Variants in TANK observed in about 807,000 individuals in gnomAD.
TANK encodes the protein TRAF family member associated NFKB activator, also known as TRAF family member-associated NF-kappa-B activator.
In TANK, 15 loss-of-function variants were observed where a neutral mutation model predicts 43.6. That is an observed-to-expected ratio of 0.34 (90% CI 0.23 to 0.53). The LOEUF is 0.53. Ranked by LOEUF, TANK falls within the 20% of genes least tolerant of loss-of-function variation. The probability of loss-of-function intolerance (pLI) is 0.94; values close to 1 mark genes in which losing one functional copy is unlikely to be tolerated. For missense variants in TANK, 417 were observed against 498.6 expected, an observed-to-expected ratio of 0.84 and a Z score of 1.56; for synonymous variants, 162 against 178.2, an observed-to-expected ratio of 0.91 and a Z score of 0.73.
chr2:161,193,584 T>C (rs1285537431), intron 2 of TANK, among the ~76,000 whole-genome samples: 1 of 152,132 alleles, frequency 6.6e-6, no homozygotes, highest in Non-Finnish European at 1.5e-5. Flanking sequence ...GATAAATAAG[T>C]TCTCTCTTTT....
At chr2:161,159,289 G>A (rs1684307357), upstream of TANK, 2 of 152,218 alleles carry the variant, frequency 1.3e-5, no homozygotes, top group South Asian at 4.1e-4. Context: ...GGTGAGGGAT[G>A]TTGATAATGG....
chr2:161,210,251 C>G (rs1686821046), intron 4 of TANK, among the ~76,000 whole-genome samples: 1 of 152,216 alleles, frequency 6.6e-6, no homozygotes, highest in South Asian at 2.1e-4. Context: ...AATATAGAAG[C>G]TCTGACATAT....
At chr2:161,167,336 C>G (rs947554892) in intron 1 of TANK, among the ~76,000 whole-genome samples, 10 of 152,146 alleles carry the variant, frequency 6.6e-5, no homozygotes, top group African/African-American at 2.2e-4. Flanking sequence ...TGATTTGGCT[C>G]ATACACTGTC....
At chr2:161,206,211 T>C (rs1558995500) in intron 4 of TANK, among the ~76,000 whole-genome samples, 1 of 152,174 alleles carries the variant, frequency 6.6e-6, no homozygotes, top group African/African-American at 2.4e-5. Flanking sequence ...TATATGTATG[T>C]ATATTATATT....
chr2:161,170,566 G>A (rs746674708), intron 1 of TANK, among the ~76,000 whole-genome samples: 7 of 152,178 alleles, frequency 4.6e-5, no homozygotes, highest in Non-Finnish European at 7.4e-5. Context: ...TGCTTTCCAA[G>A]CTATGACTCG....
chr2:161,231,042 G>C lies in TANK; in HGVS notation c.592G>C (p.Ala198Pro). The change falls in exon 7 of 8, where the codon GCT (alanine) becomes CCT (proline). Residue 198 changes from alanine (A) to proline (P), a missense_variant. Ala to Pro is a conservative substitution (Grantham distance 27). Coordinates refer to ENST00000392749, the MANE Select transcript of TANK (RefSeq NM_001199135.3). ...ACAAGAAGCGCTGTTTAAGCCTCAG[G>C]CTAAAGATGATATAAATAGAGGTGC... ...DKQEALFKPQ[A>P]KDDINRGAPS... 6.2e-7 allele frequency: 1 copy of C among 1,614,078 alleles called. No homozygotes were observed. Among genetic ancestry groups the C allele is most frequent in the Non-Finnish European group, 8.5e-7 (1 of 1,180,006 alleles).
chr2:161,180,174 TAAGAAC>T, intron 2 of TANK: 3 of 908,932 alleles, frequency 3.3e-6, no homozygotes, highest in Non-Finnish European at 2.6e-6. Flanking sequence ...TTAAAATATT[TAAGAAC>T]TAAATTTGGT....
chr2:161,213,982 T>C lies in TANK; in HGVS notation c.327+9189T>C, dbSNP rs377300252. Reference sequence around the variant, plus strand: ...TCATGAATCAATCATTTGGAAAATATTGGTTCACTAAGTTATGTAGATCTT... The same window carrying C: ...TCATGAATCAATCATTTGGAAAATACTGGTTCACTAAGTTATGTAGATCTT... On this transcript the variant is annotated intron_variant, in intron 4 of 7. Transcript: ENST00000392749. 1.2e-4 allele frequency among the ~76,000 whole-genome samples: 19 copies of C among 152,310 alleles called. No homozygotes were observed. The South Asian group carries it at 3.7e-3, about 30-fold the overall frequency.
chr2:161,165,846 A>G (rs1340312053), intron 1 of TANK, among the ~76,000 whole-genome samples: 2 of 152,236 alleles, frequency 1.3e-5, no homozygotes, highest in African/African-American at 2.4e-5. Context: ...AGCACAGCCA[A>G]CTGAGCAGTG....
chr2:161,179,824 G>A, intron 2 of TANK, 63 bp downstream of exon 2: 1 of 1,535,580 alleles, frequency 6.5e-7, no homozygotes, highest in Non-Finnish European at 8.8e-7. Context: ...AGAGCCTTTT[G>A]CATCTGAAAA....
chr2:161,220,590 C>T (rs974076553), intron 4 of TANK, among the ~76,000 whole-genome samples: 8 of 151,814 alleles, frequency 5.3e-5, no homozygotes, highest in African/African-American at 9.7e-5. Flanking sequence ...ACAACAAAAG[C>T]GAGACTCTGT....
chr2:161,232,995 GT>G (rs1449185693), intron 7 of TANK: 2 of 879,488 alleles, frequency 2.3e-6, no homozygotes, highest in South Asian at 2.2e-5. Flanking sequence ...CTTAAAATGA[GT>G]TTTTTAAAAA....
chr2:161,180,849 T>G (rs1227737571), intron 2 of TANK, among the ~76,000 whole-genome samples: 1 of 151,878 alleles, frequency 6.6e-6, no homozygotes, highest in East Asian at 1.9e-4. Flanking sequence ...AACTTTAAAA[T>G]TCAGTAACGT....
chr2:161,165,980 T>G (rs1261970843), intron 1 of TANK, among the ~76,000 whole-genome samples: 1 of 152,210 alleles, frequency 6.6e-6, no homozygotes, highest in Non-Finnish European at 1.5e-5. Flanking sequence ...GAAAGAAGTA[T>G]TACTGGAGAA....
At chr2:161,204,622 G>A in intron 3 of TANK, 53 bp from the exon 4 acceptor site, 1 of 1,538,572 alleles carries the variant, frequency 6.5e-7, no homozygotes, top group South Asian at 1.2e-5. Context: ...TTTTTCAGGT[G>A]GTACCAAAAA....
chr2:161,195,896 C>A (rs1016696176), intron 2 of TANK, among the ~76,000 whole-genome samples: 1 of 152,042 alleles, frequency 6.6e-6, no homozygotes, highest in Non-Finnish European at 1.5e-5. Context: ...ACCAGCCTGG[C>A]CAACATGGTG....
At chr2:161,190,756 TAAAG>T (rs1685878463) in intron 2 of TANK, among the ~76,000 whole-genome samples, 1 of 152,016 alleles carries the variant, frequency 6.6e-6, no homozygotes, top group African/African-American at 2.4e-5. Flanking sequence ...GTCAAATTGA[TAAAG>T]ACAGAAAGTA....
chr2:161,153,202 T>C (rs1558960928), intron 1 of TANK, among the ~76,000 whole-genome samples: 1 of 152,042 alleles, frequency 6.6e-6, no homozygotes, highest in South Asian at 2.1e-4. Context: ...TATCATGTTT[T>C]TATATTCTCC....
chr2:161,169,616 C>G (rs1035133325), intron 1 of TANK, among the ~76,000 whole-genome samples: 3 of 151,960 alleles, frequency 2.0e-5, no homozygotes, highest in East Asian at 1.9e-4. Flanking sequence ...AAATTTGTTG[C>G]GAAGGTGAAG....
Sources: gnomAD v4.1 joint callset for allele counts (sites outside exome capture counted in the v4.1 genomes callset) on GRCh38, gnomAD v4.1.1 for gene constraint, MANE v1.5 for transcripts, NCBI Gene and HGNC (gene_info 2026-07-23, HGNC 2026-07-21) for gene names.